GLI3: variants seen among roughly 807,000 people sequenced by gnomAD.
GLI3 encodes GLI family zinc finger 3.
Under a neutral mutation model 100.8 loss-of-function variants are expected in GLI3, and 20 were observed. The ratio of observed to expected loss-of-function variants is 0.20; its 90% confidence interval spans 0.14 to 0.29. The LOEUF (loss-of-function observed/expected upper bound fraction) is 0.29. GLI3 is among the 10% of genes least tolerant of loss of function. The probability of loss-of-function intolerance (pLI) is 1.00; values close to 1 mark genes in which losing one functional copy is unlikely to be tolerated. For synonymous variants in GLI3, 938 were observed against 860.5 expected, an observed-to-expected ratio of 1.09 and a Z score of -1.58; for missense variants, 2,040 against 2,128.5, an observed-to-expected ratio of 0.96 and a Z score of 0.82.
At chr7:42,108,265 C>T (rs757695482) in intron 3 of GLI3, among the ~76,000 whole-genome samples, 9 of 152,212 alleles carry the variant, frequency 5.9e-5, no homozygotes, top group Non-Finnish European at 1.2e-4. Context: ...GTACAGCCCA[C>T]CACGGAATTC....
chr7:42,090,939 G>A (rs902180633), intron 3 of GLI3, among the ~76,000 whole-genome samples: 1 of 152,176 alleles, frequency 6.6e-6, no homozygotes, highest in Non-Finnish European at 1.5e-5. Context: ...AGTTAAAGTC[G>A]CTCAGTTAGG....
upstream of GLI3, among the ~76,000 whole-genome samples, chr7:42,238,192 T>A (rs1788872409): frequency 6.6e-6 from 1 of 151,358 alleles, no homozygotes; most frequent in African/African-American, 2.4e-5. Context: ...GCGCCCTCTC[T>A]CTTCTCTCTC....
At chr7:42,133,093 T>C (rs1044308086) in intron 3 of GLI3, among the ~76,000 whole-genome samples, 3 of 152,206 alleles carry the variant, frequency 2.0e-5, no homozygotes, top group Admixed American at 6.5e-5. Context: ...AGAAATACTT[T>C]TTTTTAGAAA....
chr7:42,055,834 T>C (rs1784449418), intron 4 of GLI3, among the ~76,000 whole-genome samples: 1 of 152,246 alleles, frequency 6.6e-6, no homozygotes, highest in Non-Finnish European at 1.5e-5. Context: ...ACCACACAGA[T>C]GAACATTTCA....
At chr7:41,983,599 A>G (rs1370216156) in intron 10 of GLI3, among the ~76,000 whole-genome samples, 1 of 152,216 alleles carries the variant, frequency 6.6e-6, no homozygotes, top group Non-Finnish European at 1.5e-5. Context: ...TGGAGGGAAA[A>G]TAATGCATGA....
chr7:42,107,882 C>T (rs1218521869), intron 3 of GLI3, among the ~76,000 whole-genome samples: 1 of 152,170 alleles, frequency 6.6e-6, no homozygotes, highest in African/African-American at 2.4e-5. Context: ...AAATAACCAA[C>T]CTTGCCGGTG....
In GLI3 at chr7:42,237,148, C is replaced by G. The variant is rs1332025123; in HGVS notation, c.-220G>C. ...GCGGCGCGGGCGGCCGCGGGGCGCG[C>G]GGGGAAGGCGGGAGAGCGGCGCGGG... On this transcript the variant is annotated 5_prime_UTR_variant, in exon 1 of 15. Transcript: ENST00000395925. The G allele has an allele frequency of 6.7e-6, 1 of 148,966 alleles. No individual in the cohort carries two copies. The highest frequency in any genetic ancestry group is 2.4e-5 in the African/African-American group (1 of 41,026). The allele number at this position is 148,966 out of a possible 1,614,324, so 9.2% of individuals were successfully genotyped here. A position where few individuals can be genotyped will look rare whatever the true frequency, so the allele number is the denominator to read the frequency against.
At chr7:42,217,490 A>T (rs981874165) in intron 2 of GLI3, among the ~76,000 whole-genome samples, 1 of 152,232 alleles carries the variant, frequency 6.6e-6, no homozygotes, top group African/African-American at 2.4e-5. Flanking sequence ...CACCAGTTCA[A>T]CCCAGGAAAA....
intron 10 of GLI3, among the ~76,000 whole-genome samples, chr7:42,012,104 G>A (rs1788628815): frequency 1.3e-5 from 2 of 152,002 alleles, no homozygotes; most frequent in Non-Finnish European, 2.9e-5. Context: ...ATAAATTACG[G>A]CCAGGGGAAA....
At chr7:42,162,511 C>T (rs966124857) in intron 2 of GLI3, among the ~76,000 whole-genome samples, 1 of 152,172 alleles carries the variant, frequency 6.6e-6, no homozygotes, top group Non-Finnish European at 1.5e-5. Context: ...CACTGCACTG[C>T]TGCCAAGTCA....
At chr7:41,971,613 C>T (rs541384638) in intron 13 of GLI3, among the ~76,000 whole-genome samples, 319 of 152,318 alleles carry the variant, frequency 2.1e-3, no homozygotes, top group Non-Finnish European at 3.4e-3. Flanking sequence ...CTCTCTCATG[C>T]TCTGCCTTAC....
chr7:42,072,463 G>A (rs1784801870), intron 4 of GLI3, among the ~76,000 whole-genome samples: 1 of 152,110 alleles, frequency 6.6e-6, no homozygotes, highest in African/African-American at 2.4e-5. Context: ...GCTTAATTGA[G>A]TTCTAACACT....
chr7:42,020,141 T>C (rs1252224480), intron 10 of GLI3, among the ~76,000 whole-genome samples: 1 of 152,224 alleles, frequency 6.6e-6, no homozygotes, highest in Non-Finnish European at 1.5e-5. Context: ...TCTGTTCAGA[T>C]AGTAATGAAC....
intron 2 of GLI3, among the ~76,000 whole-genome samples, chr7:42,161,584 A>G (rs986075589): frequency 6.6e-6 from 1 of 152,246 alleles, no homozygotes; most frequent in Non-Finnish European, 1.5e-5. Flanking sequence ...AAATCTTAAA[A>G]TAACTATGAG....
At chr7:42,026,612 C>T (rs1789121999) in intron 7 of GLI3, among the ~76,000 whole-genome samples, 200 bp from the exon 8 acceptor site, 1 of 152,188 alleles carries the variant, frequency 6.6e-6, no homozygotes, top group South Asian at 2.1e-4. Flanking sequence ...TGTGTGTGCA[C>T]ACATACACGC....
chr7:42,101,287 T>C (rs1727942226), intron 3 of GLI3, among the ~76,000 whole-genome samples: 1 of 152,182 alleles, frequency 6.6e-6, no homozygotes, highest in Non-Finnish European at 1.5e-5. Context: ...CTACTGTATT[T>C]AGGCATTCTG....
chr7:42,205,265 A>T (rs1788126400), intron 2 of GLI3, among the ~76,000 whole-genome samples: 1 of 152,204 alleles, frequency 6.6e-6, no homozygotes, highest in Non-Finnish European at 1.5e-5. Flanking sequence ...TTGATTTGAC[A>T]ACCAGCATTA....
intron 3 of GLI3, among the ~76,000 whole-genome samples, chr7:42,132,282 A>G (rs1473625272): frequency 1.4e-5 from 2 of 147,832 alleles, no homozygotes; most frequent in Non-Finnish European, 3.0e-5. Context: ...TTGTATTTTT[A>G]GTAGAGATGG....
intron 13 of GLI3, among the ~76,000 whole-genome samples, chr7:41,968,750 AAGAAAGAAAGAAGG>A (rs1787282897): frequency 5.1e-5 from 7 of 136,654 alleles, no homozygotes; most frequent in African/African-American, 2.2e-4. Context: ...GAAAGAAAGA[AAGAAAGAAAGAAGG>A]AAAGAAAGAA....
Sources: allele counts gnomAD v4.1 joint callset (sites outside exome capture counted in the v4.1 genomes callset), GRCh38; gene constraint gnomAD v4.1.1; transcripts MANE v1.5; gene names NCBI Gene and HGNC (gene_info 2026-07-23, HGNC 2026-07-21).